Variants in POT1 observed in about 807,000 individuals in gnomAD.
The protein encoded by POT1 is protection of telomeres 1, also known as protection of telomeres protein 1.
POT1 carries 47 observed loss-of-function variants against 78.5 expected under a neutral mutation model. The ratio of observed to expected loss-of-function variants is 0.60; its 90% CI spans 0.47 to 0.76. The LOEUF (loss-of-function observed/expected upper bound fraction) is 0.76, where lower values mean the gene tolerates loss of function less well. Among genes scored for constraint, POT1 ranks in the 30% least tolerant of loss-of-function variants. The pLI, the probability that POT1 is intolerant of heterozygous loss-of-function variation, is 0.00. For synonymous variants in POT1, 259 were observed against 260.7 expected, an observed-to-expected ratio of 0.99 and a Z score of 0.06; for missense variants, 646 against 749.9, an observed-to-expected ratio of 0.86 and a Z score of 1.62.
intron 6 of POT1, among the ~76,000 whole-genome samples, chr7:124,872,450 T>A (rs1284768691): frequency 6.6e-6 from 1 of 152,214 alleles, no homozygotes; most frequent in South Asian, 2.1e-4. Context: ...CATCTCTTCA[T>A]GCAGGGTATC....
chr7:124,878,989 TAA>T (rs1179668290), intron 6 of POT1, among the ~76,000 whole-genome samples: 1 of 151,974 alleles, frequency 6.6e-6, no homozygotes, highest in African/African-American at 2.4e-5. Flanking sequence ...TATTTAAAGT[TAA>T]AGAGAATCAA....
At chr7:124,844,191 C>A (rs1440367801) in intron 12 of POT1, among the ~76,000 whole-genome samples, 5 of 145,414 alleles carry the variant, frequency 3.4e-5, no homozygotes, top group African/African-American at 1.0e-4. Context: ...TGCAATGGTG[C>A]GATCTCTGCT....
intron 14 of POT1, 120 bp from the exon 15 acceptor site, chr7:124,835,534 G>T (rs1794879900): frequency 1.9e-6 from 2 of 1,066,204 alleles, no homozygotes; most frequent in Non-Finnish European, 2.6e-6. Flanking sequence ...AAAAGACAAT[G>T]AATGTATGTA....
chr7:124,868,303 T>C (rs12538333), intron 7 of POT1, among the ~76,000 whole-genome samples: 91,384 of 151,940 alleles, frequency 0.6, 27,612 homozygotes, highest in African/African-American at 0.65. Flanking sequence ...TTCATGAAAA[T>C]AGAGAAACAA....
chr7:124,858,028 C>T (rs1489737736), intron 9 of POT1, among the ~76,000 whole-genome samples: 22 of 152,134 alleles, frequency 1.4e-4, no homozygotes, highest in Non-Finnish European at 5.9e-5. Flanking sequence ...CACCTGCATG[C>T]TCCCACTCCT....
chr7:124,846,814 T>C (rs1010507112), intron 12 of POT1, 128 bp downstream of exon 12: 2 of 598,714 alleles, frequency 3.3e-6, no homozygotes, highest in South Asian at 2.7e-5. Flanking sequence ...AAGTTAAATA[T>C]GGACATATTT....
chr7:124,858,899 C>CA, intron 9 of POT1, 58 bp downstream of exon 9: 1 of 1,353,388 alleles, frequency 7.4e-7, no homozygotes, highest in Non-Finnish European at 1.0e-6. Flanking sequence ...TTTACATGAG[C>CA]AAAAATCACT....
At chr7:124,891,492 G>A (rs1425441253) in intron 6 of POT1, among the ~76,000 whole-genome samples, 3 of 150,976 alleles carry the variant, frequency 2.0e-5, no homozygotes, top group African/African-American at 7.3e-5. Flanking sequence ...TTTTTATTAG[G>A]TAATTTAATT....
chr7:124,900,860 TG>T, intron 3 of POT1: 1 of 381,120 alleles, frequency 2.6e-6, no homozygotes, highest in African/African-American at 2.1e-5. Flanking sequence ...ATCCCATGCC[TG>T]GCTCATCAGG....
At chr7:124,828,382 ATCT>A (rs775796815) in intron 16 of POT1, among the ~76,000 whole-genome samples, 53 of 152,280 alleles carry the variant, frequency 3.5e-4, no homozygotes, top group Middle Eastern at 3.4e-3. Flanking sequence ...TAAGATAAAT[ATCT>A]TCTTGTTTGG....
rs983350793 is a variant in POT1, at chr7:124,847,002, TAA to T, written c.950-6_950-5del. ...TATAATGATACTGATCCAGAGCCTA[TAA>T]AAAGGAAAAGGCAAAAAAATTAAGT... On this transcript the variant is annotated splice_polypyrimidine_tract_variant and splice_region_variant and intron_variant, in intron 11 of 18. Transcript: ENST00000357628. 13 of 1,600,926 alleles carry T rather than the reference TAA, an allele frequency of 8.1e-6. No homozygotes were observed. The African/African-American group carries it at 1.6e-4, about 20-fold the overall frequency.
At chr7:124,854,384 T>A (rs1050359028) in intron 9 of POT1, among the ~76,000 whole-genome samples, 1 of 151,924 alleles carries the variant, frequency 6.6e-6, no homozygotes, top group African/African-American at 2.4e-5. Flanking sequence ...AGATCTGCAT[T>A]TAGGAGAATT....
intron 9 of POT1, among the ~76,000 whole-genome samples, chr7:124,856,445 C>T (rs935532578): frequency 6.6e-6 from 1 of 152,204 alleles, no homozygotes; most frequent in Middle Eastern, 3.4e-3. Context: ...CAGTGCCATA[C>T]ATTTTCTTAA....
At chr7:124,874,496 G>A (rs1795941386) in intron 6 of POT1, among the ~76,000 whole-genome samples, 1 of 152,096 alleles carries the variant, frequency 6.6e-6, no homozygotes, top group African/African-American at 2.4e-5. Flanking sequence ...CACTTTGGGA[G>A]GCCGAGTGGG....
chr7:124,861,260 C>T (rs141428973), intron 8 of POT1, among the ~76,000 whole-genome samples: 3 of 152,260 alleles, frequency 2.0e-5, no homozygotes, highest in Non-Finnish European at 4.4e-5. Flanking sequence ...ACATCCTCTC[C>T]AGCATGTTGT....
intron 12 of POT1, 150 bp downstream of exon 12, chr7:124,846,792 G>T (rs1038830214): frequency 9.5e-6 from 5 of 524,878 alleles, no homozygotes; most frequent in Non-Finnish European, 1.7e-5. Flanking sequence ...AACAAGACAC[G>T]GTAGAAGAAG....
chr7:124,917,540 A>G (rs1797043006), intron 2 of POT1, among the ~76,000 whole-genome samples: 1 of 152,154 alleles, frequency 6.6e-6, no homozygotes, highest in Non-Finnish European at 1.5e-5. Context: ...AAACTACCCC[A>G]GTCTCCACTG....
At chr7:124,846,288 T>C (rs1481254451) in intron 12 of POT1, among the ~76,000 whole-genome samples, 1 of 152,132 alleles carries the variant, frequency 6.6e-6, no homozygotes, top group Non-Finnish European at 1.5e-5. Context: ...GAGTACATAA[T>C]GGTACCTCCA....
At chr7:124,890,158 C>T (rs141054972) in intron 6 of POT1, among the ~76,000 whole-genome samples, 1 of 152,008 alleles carries the variant, frequency 6.6e-6, no homozygotes, top group African/African-American at 2.4e-5. Flanking sequence ...TTAATTCCAA[C>T]CCTCACAGAT....
Sources: gnomAD v4.1 joint callset for allele counts (sites outside exome capture counted in the v4.1 genomes callset) on GRCh38, gnomAD v4.1.1 for gene constraint, MANE v1.5 for transcripts, NCBI Gene and HGNC (gene_info 2026-07-23, HGNC 2026-07-21) for gene names.